PDE1C: variants seen among roughly 807,000 people sequenced by gnomAD.
PDE1C encodes the protein dual specificity calcium/calmodulin-dependent 3',5'-cyclic nucleotide phosphodiesterase 1C.
In PDE1C, 62 loss-of-function variants were observed where a neutral mutation model predicts 93.1. The observed-to-expected ratio is 0.67, with a 90% CI of 0.54 to 0.82. PDE1C has a LOEUF of 0.82. PDE1C is among the 40% of genes least tolerant of loss of function. The pLI is 0.00. For synonymous variants in PDE1C, 325 were observed against 310.1 expected, an observed-to-expected ratio of 1.05 and a Z score of -0.50; for missense variants, 742 against 884.6, an observed-to-expected ratio of 0.84 and a Z score of 2.04.
intron 9 of PDE1C, among the ~76,000 whole-genome samples, chr7:31,842,480 GTTCAGAC>G (rs1388472138): frequency 6.6e-6 from 1 of 152,056 alleles, no homozygotes; most frequent in East Asian, 1.9e-4. Flanking sequence ...ACATAGGATT[GTTCAGAC>G]TTTCTGTTTC....
intron 2 of PDE1C, among the ~76,000 whole-genome samples, chr7:31,961,052 C>T (rs1210960065): frequency 6.6e-6 from 1 of 152,096 alleles, no homozygotes; most frequent in African/African-American, 2.4e-5. Flanking sequence ...AAGAAAGTGT[C>T]ACTTTCTGTT....
intron 1 of PDE1C, among the ~76,000 whole-genome samples, chr7:32,304,983 G>A (rs1812963411): frequency 6.6e-6 from 1 of 152,124 alleles, no homozygotes; most frequent in African/African-American, 2.4e-5. Context: ...AGAGGAACAG[G>A]GTTAGAGCTC....
chr7:32,339,086 A>G (rs1482819214), intron 1 of PDE1C, among the ~76,000 whole-genome samples: 1 of 151,898 alleles, frequency 6.6e-6, no homozygotes, highest in Non-Finnish European at 1.5e-5. Flanking sequence ...CAACAAACAG[A>G]AAAAAAATTG....
chr7:32,111,475 G>C (rs1408106999), intron 3 of PDE1C, among the ~76,000 whole-genome samples: 1 of 152,154 alleles, frequency 6.6e-6, no homozygotes, highest in Non-Finnish European at 1.5e-5. Flanking sequence ...AACAGGGGTG[G>C]GATGAGGTGG....
At chr7:32,196,595 G>C (rs894743489) in intron 2 of PDE1C, among the ~76,000 whole-genome samples, 2 of 152,054 alleles carry the variant, frequency 1.3e-5, no homozygotes, top group Non-Finnish European at 2.9e-5. Context: ...TGTAATTCAT[G>C]GGAAAAATAG....
At chr7:31,621,981 AC>A in the PDE1C span, among the ~76,000 whole-genome samples, 10 of 145,916 alleles carry the variant, frequency 6.9e-5, no homozygotes, top group Admixed American at 6.9e-5. Flanking sequence ...CAGACTTTAA[AC>A]CAACAAAGAT....
At chr7:32,426,358 C>T (rs1314912803) in intron 1 of PDE1C, among the ~76,000 whole-genome samples, 3 of 151,334 alleles carry the variant, frequency 2.0e-5, no homozygotes, top group Non-Finnish European at 2.9e-5. Flanking sequence ...ACTGCAGCCT[C>T]GACCTCCTGG....
Position 31,752,579 on chromosome 7 carries a change from A to G in PDE1C, c.*805T>C, listed in dbSNP as rs999278046. ...AATCAAACTGACATCTTTTGCAATG[A>G]CTCTTAAACCTGCAGTCTTTAAGGC... is the stretch of plus-strand genomic sequence containing the variant. On this transcript the variant is annotated 3_prime_UTR_variant, in exon 18 of 18. Coordinates refer to ENST00000396191, the MANE Select transcript of PDE1C (RefSeq NM_001191057.4). The G allele has an allele frequency of 6.6e-6, 1 of 152,084 alleles. No homozygotes were observed. Among genetic ancestry groups the G allele is most frequent in the Non-Finnish European group, 1.5e-5 (1 of 68,014 alleles). 9.4% of individuals were successfully genotyped at this position (152,084 alleles called of 1,614,324 possible).
intron 3 of PDE1C, 42 bp downstream of exon 3, chr7:31,880,705 T>C: frequency 2.5e-6 from 3 of 1,199,240 alleles, no homozygotes; most frequent in Non-Finnish European, 3.6e-6. Context: ...AAGAGAAAAT[T>C]TACTATCACT....
chr7:31,641,946 T>G, the PDE1C span, among the ~76,000 whole-genome samples: 5 of 152,210 alleles, frequency 3.3e-5, no homozygotes, highest in Admixed American at 6.5e-5. Flanking sequence ...TTTCTCTTCC[T>G]TCGTTTCAGG....
Position 32,307,430 on chromosome 7 carries a change from C to G in PDE1C, c.311-97891G>C, listed in dbSNP as rs76900978. On this transcript the variant is annotated intron_variant, in intron 1 of 1. Transcript: ENST00000672256. ...AACACACATCCCTTCCTCCCACATT[C>G]TGTTAGCCAGAAATTAGTCATATGG... is the stretch of plus-strand genomic sequence containing the variant. Among the ~76,000 whole-genome samples the G allele has an allele frequency of 1.3e-3, 196 of 152,320 alleles. 6 individuals carry two copies. The East Asian group carries it at 0.036, about 28-fold the overall frequency.
the PDE1C span, among the ~76,000 whole-genome samples, chr7:31,731,020 C>T: frequency 2.6e-5 from 4 of 151,736 alleles, no homozygotes; most frequent in Non-Finnish European, 5.9e-5. Flanking sequence ...TACAGATAGG[C>T]AAATCATGGA....
At chr7:32,372,318 T>A (rs1784348605) in intron 1 of PDE1C, among the ~76,000 whole-genome samples, 1 of 152,126 alleles carries the variant, frequency 6.6e-6, no homozygotes, top group Non-Finnish European at 1.5e-5. Context: ...CCTCCCAAAG[T>A]GTTGGAATTA....
the PDE1C span, among the ~76,000 whole-genome samples, chr7:31,736,647 G>T: frequency 6.6e-6 from 1 of 152,316 alleles, no homozygotes; most frequent in Non-Finnish European, 1.5e-5. Context: ...CACTGATTTG[G>T]AATCTGCGTG....
At chr7:32,188,112 T>C (rs1436092842) in intron 2 of PDE1C, among the ~76,000 whole-genome samples, 1 of 152,182 alleles carries the variant, frequency 6.6e-6, no homozygotes, top group Non-Finnish European at 1.5e-5. Flanking sequence ...TTGCATGCTG[T>C]AGAAGAGAAT....
chr7:31,692,393 T>C, the PDE1C span: 16 of 1,445,472 alleles, frequency 1.1e-5, no homozygotes, highest in Non-Finnish European at 1.5e-5. Flanking sequence ...AACTGTTTTT[T>C]ATACTTCCTT....
intron 3 of PDE1C, among the ~76,000 whole-genome samples, chr7:32,157,651 ATG>A (rs1277482961): frequency 6.6e-6 from 1 of 152,224 alleles, no homozygotes; most frequent in African/African-American, 2.4e-5. Context: ...TTTCCTGACT[ATG>A]GCAACTTTAC....
chr7:32,253,219 C>T (rs534413411), intron 1 of PDE1C, among the ~76,000 whole-genome samples: 9 of 152,128 alleles, frequency 5.9e-5, no homozygotes, highest in Non-Finnish European at 1.2e-4. Flanking sequence ...TAAGGTCATC[C>T]CCAGAAGTAG....
chr7:31,875,831 A>ATATATATATATATATATATATG lies in PDE1C; in HGVS notation c.492+2138_492+2139insCATATATATATATATATATATA, dbSNP rs761399274. 2.0e-4 allele frequency among the ~76,000 whole-genome samples: 18 copies of ATATATATATATATATATATATG among 90,116 alleles called. 2 individuals carry two copies. The highest frequency in any genetic ancestry group is 2.9e-4 in the African/African-American group (7 of 24,406). 59.1% of individuals were successfully genotyped at this position (90,116 alleles called of 152,430 possible). On this transcript the variant is annotated intron_variant, in intron 5 of 17. Coordinates refer to ENST00000396191, the MANE Select transcript of PDE1C (RefSeq NM_001191057.4). ...TATATATATATATATATATATATAT[A>ATATATATATATATATATATATG]TATAATGGAAAAAGTAAAATAACAT... is the stretch of plus-strand genomic sequence containing the variant.
Sources: allele counts gnomAD v4.1 joint callset (sites outside exome capture counted in the v4.1 genomes callset), GRCh38; gene constraint gnomAD v4.1.1; transcripts MANE v1.5; gene names NCBI Gene and HGNC (gene_info 2026-07-23, HGNC 2026-07-21).